EFL1: variants seen among roughly 807,000 people sequenced by gnomAD.
EFL1 encodes the protein elongation factor-like GTPase 1.
In EFL1, 76 loss-of-function variants were observed where a neutral mutation model predicts 126.7. That is an observed-to-expected ratio of 0.60 (90% CI 0.50 to 0.73). The LOEUF (loss-of-function observed/expected upper bound fraction) is 0.73. EFL1 is among the 30% of genes least tolerant of loss of function. The pLI is 0.00. For missense variants in EFL1, 1,128 were observed against 1,343.2 expected, an observed-to-expected ratio of 0.84 and a Z score of 2.50; for synonymous variants, 410 against 448.4, an observed-to-expected ratio of 0.91 and a Z score of 1.08.
At chr15:82,261,554 C>T (rs1018250494) in intron 2 of EFL1, 134 bp downstream of exon 2, 2 of 850,230 alleles carry the variant, frequency 2.4e-6, no homozygotes, top group South Asian at 3.8e-5. Flanking sequence ...TAACATCACA[C>T]AAAACTTTTA....
intron 18 of EFL1, among the ~76,000 whole-genome samples, chr15:82,143,980 G>A (rs1050608877): frequency 2.0e-5 from 3 of 152,262 alleles, no homozygotes; most frequent in Middle Eastern, 3.4e-3. Context: ...ATAGGCATAC[G>A]CTCGCACGCC....
intron 17 of EFL1, among the ~76,000 whole-genome samples, chr15:82,152,769 C>T (rs937364912): frequency 1.5e-4 from 23 of 151,346 alleles, no homozygotes. Context: ...TGCTTTAAAA[C>T]AGTATTTGCC....
At chr15:82,196,716 G>A (rs1394557015) in intron 15 of EFL1, among the ~76,000 whole-genome samples, 2 of 152,214 alleles carry the variant, frequency 1.3e-5, no homozygotes, top group African/African-American at 4.8e-5. Flanking sequence ...AATCTAATTT[G>A]ATATATCTTT....
chr15:82,208,356 C>A (rs1159857961), intron 15 of EFL1, among the ~76,000 whole-genome samples: 2 of 152,186 alleles, frequency 1.3e-5, no homozygotes, highest in African/African-American at 4.8e-5. Context: ...GCTAGCCATA[C>A]ATAGTTATTA....
intron 7 of EFL1, among the ~76,000 whole-genome samples, chr15:82,234,061 A>G (rs1236190356): frequency 2.0e-5 from 3 of 152,228 alleles, no homozygotes; most frequent in Non-Finnish European, 4.4e-5. Flanking sequence ...TGTCAAAAGT[A>G]AGGGCTATGT....
intron 4 of EFL1, among the ~76,000 whole-genome samples, chr15:82,245,467 C>G (rs1403379784): frequency 6.6e-6 from 1 of 152,040 alleles, no homozygotes; most frequent in Non-Finnish European, 1.5e-5. Context: ...TCACTATTAT[C>G]CTTTTATATT....
At chr15:82,188,546 G>A (rs890348097) in intron 15 of EFL1, among the ~76,000 whole-genome samples, 10 of 152,044 alleles carry the variant, frequency 6.6e-5, no homozygotes, top group Middle Eastern at 3.2e-3. Flanking sequence ...TTGCTTCCTC[G>A]TGGGGAAAAG....
intron 8 of EFL1, among the ~76,000 whole-genome samples, chr15:82,229,998 C>T (rs1173147261): frequency 6.6e-6 from 1 of 152,176 alleles, no homozygotes; most frequent in Non-Finnish European, 1.5e-5. Context: ...AGAGTCAACT[C>T]TCAAGGCATG....
intron 15 of EFL1, among the ~76,000 whole-genome samples, chr15:82,204,546 T>TA (rs2074504407): frequency 6.6e-6 from 1 of 152,206 alleles, no homozygotes; most frequent in Non-Finnish European, 1.5e-5. Flanking sequence ...AATCTGAACT[T>TA]ATCAACCAAA....
At chr15:82,135,123 G>A (rs753777353) in intron 19 of EFL1, among the ~76,000 whole-genome samples, 46 of 152,238 alleles carry the variant, frequency 3.0e-4, no homozygotes, top group African/African-American at 8.2e-4. Flanking sequence ...ACAGGACCAC[G>A]ACAGGTGGCA....
chr15:82,157,505 CA>C (rs1035126626), intron 17 of EFL1: 13 of 501,160 alleles, frequency 2.6e-5, no homozygotes, highest in Non-Finnish European at 3.5e-5. Flanking sequence ...GCTAAAAATG[CA>C]AAATTATTCA....
chr15:82,253,330 G>A (rs370512941), intron 3 of EFL1, among the ~76,000 whole-genome samples: 87 of 151,920 alleles, frequency 5.7e-4, no homozygotes, highest in African/African-American at 1.9e-3. Context: ...ATGAGCTACC[G>A]CGCCTAGCCC....
Position 82,261,779 on chromosome 15 carries a change from G to A in EFL1, c.-1C>T. 6.2e-7 allele frequency: 1 copy of A among 1,613,014 alleles called. No homozygotes were observed. Among genetic ancestry groups the A allele is most frequent in the Non-Finnish European group, 8.5e-7 (1 of 1,179,614 alleles). ...TCTTATCCAAACTGTTGAGCACCAT[G>A]ATTACTTATTTCCTGTGACTAAAAA... On this transcript the variant is annotated 5_prime_UTR_variant, in exon 2 of 20. Transcript: ENST00000268206.
At position 82,151,865 on chromosome 15, in the gene EFL1, T is replaced by C. The variant is rs765495216; in HGVS notation, c.2589A>G (p.Arg863=). The C allele has an allele frequency of 4.3e-6, 7 of 1,614,008 alleles. No individual in the cohort carries two copies. Among genetic ancestry groups the C allele is most frequent in the Non-Finnish European group, 5.9e-6 (7 of 1,180,046 alleles). ...CACTCACAATGCTATTGCCCAAATC[T>C]CGGTATCTACTGGCTTCTTTTGAAG... The part of the protein sequence containing the change: ...DKASKEASRY[R]DLGNSIVSGF... The change falls in exon 18 of 20, where the codon CGA becomes CGG. Residue 863 remains arginine (R), a synonymous_variant. Coordinates refer to ENST00000268206, the MANE Select transcript of EFL1 (RefSeq NM_024580.6).
At chr15:82,172,057 A>C (rs2074141823) in intron 15 of EFL1, among the ~76,000 whole-genome samples, 1 of 151,268 alleles carries the variant, frequency 6.6e-6, no homozygotes, top group South Asian at 2.1e-4. Flanking sequence ...CATTAAAAGA[A>C]AAGAAAGCCT....
intron 7 of EFL1, among the ~76,000 whole-genome samples, chr15:82,232,065 G>A (rs2074827864): frequency 6.6e-6 from 1 of 152,166 alleles, no homozygotes; most frequent in African/African-American, 2.4e-5. Context: ...GCTGCAACCT[G>A]CCATGCAGAT....
At chr15:82,220,743 G>A (rs902667081) in intron 12 of EFL1, among the ~76,000 whole-genome samples, 1 of 151,196 alleles carries the variant, frequency 6.6e-6, no homozygotes, top group Non-Finnish European at 1.5e-5. Flanking sequence ...CAGTGTGTGG[G>A]TGTGTATGTG....
At chr15:82,157,362 G>C (rs1360284589) in intron 17 of EFL1, 1 of 165,534 alleles carries the variant, frequency 6.0e-6, no homozygotes, top group African/African-American at 2.4e-5. Context: ...ACATCAATAA[G>C]AGAAGAAGTC....
chr15:82,226,087 T>A (rs1458897189), intron 11 of EFL1, among the ~76,000 whole-genome samples: 2 of 152,198 alleles, frequency 1.3e-5, no homozygotes, highest in Admixed American at 6.5e-5. Context: ...TCACTCTGTT[T>A]TGTCTGCAAT....
Sources: allele counts gnomAD v4.1 joint callset (sites outside exome capture counted in the v4.1 genomes callset), GRCh38; gene constraint gnomAD v4.1.1; transcripts MANE v1.5; gene names NCBI Gene and HGNC (gene_info 2026-07-23, HGNC 2026-07-21).